MAGI2: variants seen among roughly 807,000 people sequenced by gnomAD.
The protein encoded by MAGI2 is membrane-associated guanylate kinase, WW and PDZ domain-containing protein 2.
Under a neutral mutation model 133.3 loss-of-function variants are expected in MAGI2, and 35 were observed. That is an observed-to-expected ratio of 0.26 (90% CI 0.20 to 0.35). The LOEUF is 0.35. Among genes scored for constraint, MAGI2 ranks in the 10% least tolerant of loss-of-function variants. The probability of loss-of-function intolerance (pLI) is 1.00; values close to 1 mark genes in which losing one functional copy is unlikely to be tolerated. For missense variants in MAGI2, 1,636 were observed against 1,863.4 expected, an observed-to-expected ratio of 0.88 and a Z score of 2.25; for synonymous variants, 729 against 710.6, an observed-to-expected ratio of 1.03 and a Z score of -0.41.
chr7:78,763,184 T>C (rs1024190668), intron 2 of MAGI2, among the ~76,000 whole-genome samples: 3 of 152,180 alleles, frequency 2.0e-5, no homozygotes, highest in Non-Finnish European at 4.4e-5. Context: ...CTTAGATAAA[T>C]GGAATTAGCA....
At chr7:78,071,595 A>G (rs1450950157) in intron 21 of MAGI2, among the ~76,000 whole-genome samples, 1 of 152,154 alleles carries the variant, frequency 6.6e-6, no homozygotes, top group Non-Finnish European at 1.5e-5. Context: ...GAACTTATTT[A>G]CTGCAGTTTT....
intron 21 of MAGI2, among the ~76,000 whole-genome samples, chr7:78,040,372 C>A (rs1250984413): frequency 1.3e-5 from 2 of 152,194 alleles, no homozygotes; most frequent in Non-Finnish European, 2.9e-5. Flanking sequence ...AGGACGGGCG[C>A]CCCCTGGCGG....
chr7:78,535,183 G>A (rs939095954), intron 3 of MAGI2, among the ~76,000 whole-genome samples: 1 of 152,018 alleles, frequency 6.6e-6, no homozygotes, highest in Non-Finnish European at 1.5e-5. Context: ...AGGCTCAAGA[G>A]GTACAGAGAG....
intron 2 of MAGI2, among the ~76,000 whole-genome samples, chr7:78,638,328 A>G (rs923381308): frequency 1.3e-5 from 2 of 152,222 alleles, no homozygotes; most frequent in African/African-American, 4.8e-5. Flanking sequence ...GAATGATTTC[A>G]TTTATTCATA....
chr7:79,125,550 T>C, intron 1 of MAGI2: 2 of 510,530 alleles, frequency 3.9e-6, no homozygotes, highest in Non-Finnish European at 3.9e-6. Flanking sequence ...ATGGTGGGAG[T>C]GGCAGCTATA....
At chr7:79,018,089 C>T (rs1808919060) in intron 1 of MAGI2, among the ~76,000 whole-genome samples, 2 of 151,972 alleles carry the variant, frequency 1.3e-5, no homozygotes, top group Middle Eastern at 3.4e-3. Context: ...TAGAGAACCC[C>T]TCCAAAATAC....
At chr7:78,407,368 C>T (rs1797474133) in intron 6 of MAGI2, among the ~76,000 whole-genome samples, 1 of 151,874 alleles carries the variant, frequency 6.6e-6, no homozygotes, top group Non-Finnish European at 1.5e-5. Context: ...GGTCCCTAGA[C>T]TTTGAAAAAT....
intron 6 of MAGI2, among the ~76,000 whole-genome samples, chr7:78,406,500 G>C (rs1045268616): frequency 8.5e-5 from 13 of 152,090 alleles, no homozygotes; most frequent in African/African-American, 2.9e-4. Context: ...GAAAAAATAT[G>C]ATTTTAAATG....
intron 6 of MAGI2, among the ~76,000 whole-genome samples, chr7:78,413,326 A>C (rs1306221946): frequency 6.6e-6 from 1 of 152,098 alleles, no homozygotes; most frequent in African/African-American, 2.4e-5. Context: ...TAGTGGAAGA[A>C]AATGGTGTCT....
intron 2 of MAGI2, among the ~76,000 whole-genome samples, chr7:78,672,949 C>G (rs986459904): frequency 2.0e-5 from 3 of 152,144 alleles, no homozygotes; most frequent in Non-Finnish European, 4.4e-5. Flanking sequence ...TGGCTTTTAT[C>G]ATGCTTAGCC....
intron 2 of MAGI2, among the ~76,000 whole-genome samples, chr7:78,884,868 A>T (rs996179450): frequency 4.6e-5 from 7 of 152,206 alleles, no homozygotes; most frequent in Admixed American, 3.9e-4. Flanking sequence ...ACACCTATAC[A>T]TGCATGTTTA....
At chr7:78,030,785 T>G (rs879145755) in intron 21 of MAGI2, among the ~76,000 whole-genome samples, 2 of 149,112 alleles carry the variant, frequency 1.3e-5, no homozygotes, top group Non-Finnish European at 2.9e-5. Flanking sequence ...TTGTCCGGAA[T>G]AAATGGTAGA....
At chr7:78,612,214 A>G (rs1206835093) in intron 3 of MAGI2, among the ~76,000 whole-genome samples, 1 of 152,180 alleles carries the variant, frequency 6.6e-6, no homozygotes, top group Non-Finnish European at 1.5e-5. Flanking sequence ...GGAAACCTGT[A>G]TTGGAGAAAC....
chr7:78,654,749 A>ATG lies in MAGI2; in HGVS notation c.419-27511_419-27510insCA, dbSNP rs1491177965. On this transcript the variant is annotated intron_variant, in intron 2 of 21. Transcript: ENST00000354212. The stretch of plus-strand genomic sequence containing the variant: ...TATATATATATATATATATATATAT[A>ATG]GCATATATTTTGCATCGCAACTGGA... 7.1e-3 allele frequency among the ~76,000 whole-genome samples: 696 copies of ATG among 97,706 alleles called. 18 individuals carry two copies. Among genetic ancestry groups the ATG allele is most frequent in the Non-Finnish European group, 0.01 (473 of 47,212 alleles). 64.1% of individuals were successfully genotyped at this position (97,706 alleles called of 152,430 possible).
chr7:79,377,943 A>ATG (rs1843489988), intron 1 of MAGI2, among the ~76,000 whole-genome samples: 1 of 151,862 alleles, frequency 6.6e-6, no homozygotes, highest in Non-Finnish European at 1.5e-5. Context: ...CAAAGTTCTA[A>ATG]TGTGTGTCAA....
chr7:78,917,021 C>T (rs1242711399), intron 2 of MAGI2, among the ~76,000 whole-genome samples: 3 of 152,126 alleles, frequency 2.0e-5, no homozygotes, highest in African/African-American at 2.4e-5. Context: ...AAGAGAGATA[C>T]CCAAAGGTAG....
At chr7:78,109,227 C>A (rs1226554000) in intron 20 of MAGI2, among the ~76,000 whole-genome samples, 1 of 131,256 alleles carries the variant, frequency 7.6e-6, no homozygotes, top group East Asian at 2.3e-4. Flanking sequence ...TGGCGCGAAC[C>A]CAGGAGGCGG....
intron 2 of MAGI2, among the ~76,000 whole-genome samples, chr7:78,800,991 C>A (rs1433764728): frequency 6.6e-6 from 1 of 151,770 alleles, no homozygotes; most frequent in Non-Finnish European, 1.5e-5. Context: ...TCATAGAAAC[C>A]AGGGAATATA....
chr7:78,430,740 C>T (rs886205413), intron 6 of MAGI2, among the ~76,000 whole-genome samples: 7 of 152,030 alleles, frequency 4.6e-5, no homozygotes, highest in African/African-American at 1.7e-4. Context: ...CTGAGATTCC[C>T]CCTAAGCAAC....
Sources: gnomAD v4.1 joint callset for allele counts (sites outside exome capture counted in the v4.1 genomes callset) on GRCh38, gnomAD v4.1.1 for gene constraint, MANE v1.5 for transcripts, NCBI Gene and HGNC (gene_info 2026-07-23, HGNC 2026-07-21) for gene names.